Variants in CADM2 observed in about 807,000 individuals in gnomAD.
CADM2 encodes cell adhesion molecule 2, also known as immunoglobulin superfamily member 4D.
CADM2 carries 12 observed loss-of-function variants against 49.8 expected under a neutral mutation model. That is an observed-to-expected ratio of 0.24 (90% CI 0.15 to 0.39). The LOEUF is 0.39. CADM2 is among the 10% of genes least tolerant of loss of function. The pLI is 1.00. For missense variants in CADM2, 378 were observed against 492.3 expected (o/e 0.77, Z 2.20); for synonymous variants, 214 against 175.4 (o/e 1.22, Z -1.74).
At chr3:85,603,154 G>A (rs1329508864) in intron 1 of CADM2, among the ~76,000 whole-genome samples, 2 of 151,788 alleles carry the variant, frequency 1.3e-5, no homozygotes, top group African/African-American at 4.8e-5. Flanking sequence ...CTAGCTCAAT[G>A]TCTGTCAGAT....
chr3:85,594,699 T>A (rs2107359104), intron 1 of CADM2, among the ~76,000 whole-genome samples: 1 of 152,140 alleles, frequency 6.6e-6, no homozygotes, highest in Middle Eastern at 3.4e-3. Context: ...CAGTTACCAT[T>A]CTGTTTTTAC....
chr3:85,298,770 A>G lies in CADM2; in HGVS notation c.61+339102A>G, dbSNP rs866634576. 4.4e-4 allele frequency among the ~76,000 whole-genome samples: 67 copies of G among 152,262 alleles called. 1 individual carries two copies. Among genetic ancestry groups the G allele is most frequent in the Middle Eastern group, 6.8e-3 (2 of 294 alleles). The stretch of plus-strand genomic sequence containing the variant: ...TTGATAAAATTAGGACATTTTAAAT[A>G]CTGAAATTAATTTGTTGAATTAGCT... On this transcript the variant is annotated intron_variant, in intron 1 of 9. Transcript: ENST00000383699.
chr3:86,017,693 A>C (rs1381242807), intron 8 of CADM2, among the ~76,000 whole-genome samples: 1 of 150,506 alleles, frequency 6.6e-6, no homozygotes, highest in Non-Finnish European at 1.5e-5. Context: ...GTGCCACTGC[A>C]CTCCAGCTTG....
intron 5 of CADM2, among the ~76,000 whole-genome samples, chr3:85,893,994 T>C (rs1714849361): frequency 6.6e-6 from 1 of 152,240 alleles, no homozygotes; most frequent in Non-Finnish European, 1.5e-5. Context: ...ATCCCATTAC[T>C]GGGTATATAC....
At chr3:85,075,750 T>C (rs2200460) in intron 1 of CADM2, among the ~76,000 whole-genome samples, 239 of 152,278 alleles carry the variant, frequency 1.6e-3, no homozygotes, top group African/African-American at 5.3e-3. Flanking sequence ...TATTTATTTC[T>C]CTGGGGCAAA....
At chr3:86,029,814 G>A (rs1046678166) in intron 8 of CADM2, among the ~76,000 whole-genome samples, 10 of 152,032 alleles carry the variant, frequency 6.6e-5, no homozygotes, top group African/African-American at 2.4e-4. Flanking sequence ...GAACTTGGGA[G>A]AGGTAAATTG....
chr3:85,618,746 AT>A (rs1185648097), intron 1 of CADM2, among the ~76,000 whole-genome samples: 1 of 152,022 alleles, frequency 6.6e-6, no homozygotes, highest in Non-Finnish European at 1.5e-5. Context: ...ATTTATTTTT[AT>A]TTTTTATCAT....
chr3:85,901,841 T>TTCTG (rs960895127), intron 5 of CADM2, among the ~76,000 whole-genome samples: 5 of 152,162 alleles, frequency 3.3e-5, no homozygotes, highest in Non-Finnish European at 5.9e-5. Context: ...CAAATCTACT[T>TTCTG]TCTGTCTGTA....
At chr3:86,041,426 G>A (rs1398556346) in intron 8 of CADM2, among the ~76,000 whole-genome samples, 1 of 152,142 alleles carries the variant, frequency 6.6e-6, no homozygotes, top group Admixed American at 6.5e-5. Flanking sequence ...GGCAGGGGTT[G>A]CAATCCTAGT....
At chr3:85,317,101 T>C (rs1190440157) in intron 1 of CADM2, among the ~76,000 whole-genome samples, 1 of 152,050 alleles carries the variant, frequency 6.6e-6, no homozygotes, top group East Asian at 1.9e-4. Context: ...CTTGTCTACA[T>C]TTCTGGAATT....
intron 1 of CADM2, among the ~76,000 whole-genome samples, chr3:85,410,649 C>T (rs191029750): frequency 1.3e-5 from 2 of 152,274 alleles, no homozygotes; most frequent in South Asian, 2.1e-4. Context: ...AAGAGTTAAA[C>T]TCCTTTTAGA....
chr3:85,973,042 ACT>A (rs1402548838), intron 8 of CADM2, among the ~76,000 whole-genome samples: 4 of 151,846 alleles, frequency 2.6e-5, no homozygotes, highest in Non-Finnish European at 5.9e-5. Context: ...AGACTGGAAG[ACT>A]CTTAACAGGA....
rs530157645 is a variant in CADM2, at chr3:85,416,884, T to C, written c.62-309638T>C. On this transcript the variant is annotated intron_variant, in intron 1 of 9. Transcript: ENST00000383699. The stretch of plus-strand genomic sequence containing the variant: ...AGTCCTATATCTCTGTCTCATTATC[T>C]TGACTATGCTATGTGGATCTTAATG... Among the ~76,000 whole-genome samples, 181 of 152,320 alleles carry C rather than the reference T, an allele frequency of 1.2e-3. 1 individual carries two copies. Among genetic ancestry groups the C allele is most frequent in the Middle Eastern group, 0.01 (3 of 294 alleles).
At chr3:85,981,839 T>C (rs1255756085) in intron 8 of CADM2, among the ~76,000 whole-genome samples, 1 of 151,756 alleles carries the variant, frequency 6.6e-6, no homozygotes, top group Non-Finnish European at 1.5e-5. Context: ...GTCTTTATGG[T>C]AGAACAATTT....
intron 1 of CADM2, among the ~76,000 whole-genome samples, chr3:85,556,827 A>G (rs1576796565): frequency 1.3e-5 from 2 of 152,286 alleles, no homozygotes; most frequent in South Asian, 4.1e-4. Flanking sequence ...AGACATCAAA[A>G]TTACTGAACT....
intron 1 of CADM2, among the ~76,000 whole-genome samples, chr3:85,248,366 C>T (rs1487179168): frequency 2.0e-5 from 3 of 152,098 alleles, no homozygotes; most frequent in Admixed American, 2.0e-4. Context: ...ACTCTGCCTC[C>T]TGGATTCAAG....
chr3:85,144,245 GCA>G (rs3083491), intron 1 of CADM2, among the ~76,000 whole-genome samples: 1,900 of 148,970 alleles, frequency 0.013, 22 homozygotes, highest in African/African-American at 0.037. Context: ...TGTTACACAC[GCA>G]CACACACACA....
At chr3:85,803,524 G>GATAGATAGATAGATAA in intron 3 of CADM2, among the ~76,000 whole-genome samples, 1 of 152,188 alleles carries the variant, frequency 6.6e-6, no homozygotes, top group South Asian at 2.1e-4. Flanking sequence ...TAGATAGATA[G>GATAGATAGATAGATAA]ATAGATAGAT....
chr3:85,944,240 C>T (rs916514313), intron 7 of CADM2, among the ~76,000 whole-genome samples: 13 of 152,154 alleles, frequency 8.5e-5, no homozygotes, highest in Admixed American at 3.9e-4. Flanking sequence ...AATATATATG[C>T]GCCCAATACA....
Sources: gnomAD v4.1 joint callset for allele counts (sites outside exome capture counted in the v4.1 genomes callset) on GRCh38, gnomAD v4.1.1 for gene constraint, MANE v1.5 for transcripts, NCBI Gene and HGNC (gene_info 2026-07-23, HGNC 2026-07-21) for gene names.